Variants in TTLL11 observed in about 807,000 individuals in gnomAD.
TTLL11 encodes the protein tubulin polyglutamylase TTLL11.
Under a neutral mutation model 51.7 loss-of-function variants are expected in TTLL11, and 42 were observed. That is an observed-to-expected ratio of 0.81 (90% CI 0.64 to 1.05). The LOEUF is 1.05. Ranked by LOEUF, TTLL11 falls within the 50% of genes least tolerant of loss-of-function variation. The probability of loss-of-function intolerance (pLI) is 0.00; values close to 1 mark genes in which losing one functional copy is unlikely to be tolerated. For synonymous variants in TTLL11, 381 were observed against 383.5 expected (o/e 0.99, Z 0.08); for missense variants, 799 against 940.4 (o/e 0.85, Z 1.97).
At chr9:121,920,584 T>C (rs1307825927) in intron 6 of TTLL11, among the ~76,000 whole-genome samples, 1 of 152,174 alleles carries the variant, frequency 6.6e-6, no homozygotes, top group Non-Finnish European at 1.5e-5. Flanking sequence ...AAAGGTAAGG[T>C]TGACATCCTT....
At chr9:121,897,943 G>C (rs1839604587) in intron 6 of TTLL11, among the ~76,000 whole-genome samples, 1 of 146,518 alleles carries the variant, frequency 6.8e-6, no homozygotes. Context: ...TTTTGAGATG[G>C]AGCCTAGCTC....
chr9:121,993,203 T>C (rs1475338543), intron 3 of TTLL11, among the ~76,000 whole-genome samples: 1 of 152,174 alleles, frequency 6.6e-6, no homozygotes, highest in African/African-American at 2.4e-5. Context: ...TGGACATGGA[T>C]GATAGTTGTA....
chr9:121,909,735 G>C (rs73664715), intron 6 of TTLL11, among the ~76,000 whole-genome samples: 3,411 of 152,250 alleles, frequency 0.022, 134 homozygotes, highest in African/African-American at 0.076. Flanking sequence ...TCAGTGCAAG[G>C]CAAGCTTAAA....
intron 6 of TTLL11, among the ~76,000 whole-genome samples, chr9:121,878,449 A>G (rs1274679209): frequency 6.6e-6 from 1 of 152,206 alleles, no homozygotes; most frequent in Admixed American, 6.5e-5. Context: ...TATATGAATT[A>G]ACAAAGGACC....
At chr9:122,040,663 T>C (rs889451763) in intron 1 of TTLL11, among the ~76,000 whole-genome samples, 3 of 151,618 alleles carry the variant, frequency 2.0e-5, no homozygotes, top group African/African-American at 7.3e-5. Context: ...TGGAAGAACA[T>C]AGCCTTACTA....
intron 8 of TTLL11, among the ~76,000 whole-genome samples, chr9:121,844,485 G>A (rs1439888465): frequency 3.9e-5 from 6 of 152,146 alleles, no homozygotes; most frequent in African/African-American, 1.4e-4. Flanking sequence ...TACAAGACCT[G>A]CTAAAAGGCA....
rs1253371106 is a variant in TTLL11 at position 121,870,577 on chromosome 9, C to T, written c.1653G>A (p.Arg551=). Residue 551 remains arginine (R), a synonymous_variant, in exon 7 of 9, where the codon AGG becomes AGA. Coordinates refer to ENST00000321582, the MANE Select transcript of TTLL11 (RefSeq NM_001139442.2). ...GGAACCGGATAAACAAATTTGCCATCCTGTCCACCAGGCGCAGGTAGTTGA... is the reference window on the plus strand; with the variant it reads ...GGAACCGGATAAACAAATTTGCCATTCTGTCCACCAGGCGCAGGTAGTTGA... The part of the protein sequence containing the change: ...KQFNYLRLVD[R]MANLFIRFLG... The T allele has an allele frequency of 1.3e-6, 2 of 1,551,636 alleles. No homozygotes were observed. The highest frequency in any genetic ancestry group is 1.7e-6 in the Non-Finnish European group (2 of 1,147,012).
intron 6 of TTLL11, among the ~76,000 whole-genome samples, chr9:121,899,365 G>GTGTGTATATATACATATA (rs1226221957): frequency 1.9e-4 from 21 of 113,234 alleles, no homozygotes; most frequent in Admixed American, 3.1e-4. Context: ...ATGTGTGTGT[G>GTGTGTATATATACATATA]TATATATATA....
chr9:121,854,671 C>T (rs1837760470), intron 8 of TTLL11, among the ~76,000 whole-genome samples: 1 of 152,132 alleles, frequency 6.6e-6, no homozygotes, highest in African/African-American at 2.4e-5. Context: ...TGATGCTGTC[C>T]TCATCTCTTA....
rs1843030671 is a variant in TTLL11 at position 121,989,307 on chromosome 9, C to G, written c.1157G>C (p.Trp386Ser). The G allele has an allele frequency of 6.2e-7, 1 of 1,614,038 alleles. No individual in the cohort carries two copies. Among genetic ancestry groups the G allele is most frequent in the Admixed American group, 1.7e-5 (1 of 59,992 alleles). The change falls in exon 4 of 9, where the codon TGG becomes TCG. Residue 386 changes from tryptophan (W) to serine (S), a missense_variant. By Grantham distance (177) the Trp-to-Ser change is radical. Coordinates refer to ENST00000321582, the MANE Select transcript of TTLL11 (RefSeq NM_001139442.2). The surrounding 1 kb of genome is among the most constrained non-coding windows in gnomAD (Gnocchi z 4.2). Reference protein sequence around the residue: ...SSKGVDIKKVWSDIISVVIKT... With the variant: ...SSKGVDIKKVSSDIISVVIKT... ...AATCACCACGGAGATGATGTCAGAC[C>G]AGACCTTCTTGATGTCAACGCCTTT...
chr9:121,846,975 C>T (rs1427266497), intron 8 of TTLL11, among the ~76,000 whole-genome samples: 1 of 152,084 alleles, frequency 6.6e-6, no homozygotes, highest in East Asian at 1.9e-4. Flanking sequence ...CTTTGGGAGG[C>T]CGAGGCGGGC....
At chr9:121,984,798 A>G (rs1248328444) in intron 4 of TTLL11, among the ~76,000 whole-genome samples, 1 of 152,222 alleles carries the variant, frequency 6.6e-6, no homozygotes, top group East Asian at 1.9e-4. Context: ...ACTGGGAAAG[A>G]ACGTTCTTGA....
At chr9:121,904,689 C>A (rs78595202) in intron 6 of TTLL11, among the ~76,000 whole-genome samples, 4 of 152,342 alleles carry the variant, frequency 2.6e-5, no homozygotes, top group African/African-American at 9.6e-5. Context: ...TTTCTTCCAA[C>A]TGGGCTTCTG....
At chr9:121,965,433 C>T (rs1245545989) in intron 6 of TTLL11, among the ~76,000 whole-genome samples, 2 of 152,156 alleles carry the variant, frequency 1.3e-5, no homozygotes, top group African/African-American at 4.8e-5. Flanking sequence ...AGTTTTAAAC[C>T]ATCACATCTC....
At chr9:122,030,207 G>GGC (rs1844494152) in intron 3 of TTLL11, among the ~76,000 whole-genome samples, 1 of 146,632 alleles carries the variant, frequency 6.8e-6, no homozygotes, top group African/African-American at 2.5e-5. Context: ...GACATTGGGG[G>GGC]GGGGGGGGTA....
At chr9:121,961,269 T>C (rs1011756196) in intron 6 of TTLL11, among the ~76,000 whole-genome samples, 2 of 152,182 alleles carry the variant, frequency 1.3e-5, no homozygotes, top group Admixed American at 6.5e-5. Flanking sequence ...AGCTTACACA[T>C]ATTGTTCAGT....
At chr9:121,872,413 G>C (rs1289583718) in intron 6 of TTLL11, among the ~76,000 whole-genome samples, 1 of 152,080 alleles carries the variant, frequency 6.6e-6, no homozygotes, top group East Asian at 1.9e-4. Flanking sequence ...GCCTACATCT[G>C]TTTCATATAG....
intron 1 of TTLL11, among the ~76,000 whole-genome samples, chr9:122,041,499 G>A (rs1844844713): frequency 6.6e-6 from 1 of 152,170 alleles, no homozygotes; most frequent in Admixed American, 6.5e-5. Flanking sequence ...GTTTGTTGAT[G>A]ACATGATCCC....
rs117629720 is a variant in TTLL11 at position 122,004,965 on chromosome 9, C to T, written c.694-15195G>A. Among the ~76,000 whole-genome samples the T allele has an allele frequency of 9.2e-3, 1,404 of 152,308 alleles. 10 individuals carry two copies. The highest frequency in any genetic ancestry group is 0.027 in the Middle Eastern group (8 of 294). On this transcript the variant is annotated intron_variant, in intron 3 of 8. Coordinates refer to ENST00000321582, the MANE Select transcript of TTLL11 (RefSeq NM_001139442.2). ...GAAGAAAGCCCAGGAGACATGGATA[C>T]AATTTTGGCATTTCTAAAGGGTTCT...
Sources: allele counts gnomAD v4.1 joint callset (sites outside exome capture counted in the v4.1 genomes callset), GRCh38; gene constraint gnomAD v4.1.1; non-coding constraint Gnocchi (gnomAD v3.1); transcripts MANE v1.5; gene names NCBI Gene and HGNC (gene_info 2026-07-23, HGNC 2026-07-21).